The following BAG4 variants were observed in gnomAD, a reference collection of about 807,000 sequenced individuals.
The protein encoded by BAG4 is BAG cochaperone 4, also known as BAG family molecular chaperone regulator 4.
Under a neutral mutation model 52.1 loss-of-function variants are expected in BAG4, and 28 were observed. The ratio of observed to expected loss-of-function variants is 0.54; its 90% CI spans 0.40 to 0.74. The LOEUF (loss-of-function observed/expected upper bound fraction) is 0.74. Among genes scored for constraint, BAG4 ranks in the 30% least tolerant of loss-of-function variants. The pLI is 0.00. For synonymous variants in BAG4, 208 were observed against 217.0 expected (o/e 0.96, Z 0.37); for missense variants, 525 against 572.0 (o/e 0.92, Z 0.84).
chr8:38,177,486 G>T (rs949073924), intron 1 of BAG4, among the ~76,000 whole-genome samples: 20 of 152,232 alleles, frequency 1.3e-4, no homozygotes, highest in African/African-American at 4.6e-4. Context: ...TATCCTGCGT[G>T]GCTGGCAGGC....
chr8:38,191,702 G>A (rs1200491819), intron 1 of BAG4, among the ~76,000 whole-genome samples: 2 of 146,690 alleles, frequency 1.4e-5, no homozygotes, highest in East Asian at 4.3e-4. Flanking sequence ...GGAGGTTGCA[G>A]TGAGCCGAGA....
intron 2 of BAG4, among the ~76,000 whole-genome samples, chr8:38,205,197 A>G (rs550652379): frequency 7.1e-6 from 1 of 140,498 alleles, no homozygotes; most frequent in African/African-American, 2.6e-5. Flanking sequence ...ACGCCCAGCT[A>G]ATTAATTTTT....
intron 1 of BAG4, among the ~76,000 whole-genome samples, chr8:38,186,078 G>T (rs1194832718): frequency 6.6e-6 from 1 of 152,158 alleles, no homozygotes; most frequent in East Asian, 1.9e-4. Flanking sequence ...GAGGAGTAGC[G>T]TACCAACATT....
chr8:38,209,063 T>C lies in BAG4; in HGVS notation c.684T>C (p.Ser228=), dbSNP rs1489485489. The change falls in exon 4 of 5, where the codon AGT becomes AGC. Residue 228 remains serine (S), a synonymous_variant. Transcript: ENST00000287322. ...ATCCTTATGGAGATGGTAATCGTAG[T>C]GTTCCACAATCAGGACCGACTGTAC... ...PHYPYGDGNR[S]VPQSGPTVRP... is the part of the protein sequence containing the mutation. The C allele has an allele frequency of 1.1e-5, 17 of 1,614,202 alleles. No homozygotes were observed. In the East Asian group the frequency reaches 2.9e-4, roughly 28 times the overall value.
At chr8:38,187,866 C>CAAAAAAAAA (rs35690753) in intron 1 of BAG4, among the ~76,000 whole-genome samples, 69 of 54,776 alleles carry the variant, frequency 1.3e-3, no homozygotes, top group African/African-American at 1.5e-3. Flanking sequence ...ACTAAAAATA[C>CAAAAAAAAA]AAAAAAAAAA....
chr8:38,187,312 T>G (rs1228369275), intron 1 of BAG4, among the ~76,000 whole-genome samples: 1 of 152,074 alleles, frequency 6.6e-6, no homozygotes, highest in Non-Finnish European at 1.5e-5. Context: ...GTACAGTAAC[T>G]AAAATGAAAA....
At chr8:38,179,729 C>A (rs930992228) in intron 1 of BAG4, among the ~76,000 whole-genome samples, 3 of 151,764 alleles carry the variant, frequency 2.0e-5, no homozygotes, top group Non-Finnish European at 4.4e-5. Context: ...TCACACCATT[C>A]CACTCTAGCC....
At chr8:38,187,179 A>G (rs1260293502) in intron 1 of BAG4, among the ~76,000 whole-genome samples, 1 of 152,232 alleles carries the variant, frequency 6.6e-6, no homozygotes, top group African/African-American at 2.4e-5. Context: ...CAAATAACTA[A>G]AAAACTATGA....
At position 38,213,049 on chromosome 8, in the gene BAG4, T is replaced by A. The variant is rs1164751254; in HGVS notation, c.*2556T>A. The A allele has an allele frequency of 6.6e-6, 1 of 152,220 alleles. No individual in the cohort carries two copies. Among genetic ancestry groups the A allele is most frequent in the Non-Finnish European group, 1.5e-5 (1 of 68,036 alleles). 9.4% of individuals were successfully genotyped at this position (152,220 alleles called of 1,614,324 possible). On this transcript the variant is annotated 3_prime_UTR_variant, in exon 5 of 5. Transcript: ENST00000287322. ...AGATGTTAAATCATGTTAAAATTAT[T>A]CCAAATACCAATATCAAAGAAAACT...
At chr8:38,197,856 C>A (rs191081873) in intron 2 of BAG4, among the ~76,000 whole-genome samples, 2 of 151,884 alleles carry the variant, frequency 1.3e-5, no homozygotes, top group Non-Finnish European at 2.9e-5. Flanking sequence ...TGTGCCACCA[C>A]ACCTGGCTAA....
rs1803595846 is a variant in BAG4 at position 38,198,176 on chromosome 8, A to C, written c.378+5381A>C. On this transcript the variant is annotated intron_variant, in intron 2 of 4. Transcript: ENST00000287322. ...AAGGCGGGCAGATCACGAGGTCAGG[A>C]AATCGAGACCATCCTGGCTAATATG... Among the ~76,000 whole-genome samples the C allele has an allele frequency of 2.0e-5, 3 of 151,794 alleles. No homozygotes were observed. In the South Asian group the frequency reaches 6.3e-4, roughly 32 times the overall value.
At chr8:38,197,322 A>G (rs1803578237) in intron 2 of BAG4, among the ~76,000 whole-genome samples, 1 of 152,240 alleles carries the variant, frequency 6.6e-6, no homozygotes, top group Non-Finnish European at 1.5e-5. Flanking sequence ...GCTATATGGT[A>G]TAGCCTATGG....
chr8:38,205,662 T>C (rs1378656566), intron 2 of BAG4, among the ~76,000 whole-genome samples: 1 of 152,170 alleles, frequency 6.6e-6, no homozygotes, highest in Non-Finnish European at 1.5e-5. Flanking sequence ...AGTTTTAACA[T>C]AGTGGTGGTT....
At chr8:38,177,578 A>G (rs1332531279) in intron 1 of BAG4, among the ~76,000 whole-genome samples, 1 of 152,166 alleles carries the variant, frequency 6.6e-6, no homozygotes, top group Admixed American at 6.5e-5. Flanking sequence ...CTTTGCGAGG[A>G]GGAGGGATCT....
chr8:38,187,838 T>C (rs1195067351), intron 1 of BAG4, among the ~76,000 whole-genome samples: 69 of 135,318 alleles, frequency 5.1e-4, no homozygotes, highest in African/African-American at 1.8e-3. Context: ...CTGGCTAACA[T>C]GGTGAAACCT....
At chr8:38,203,281 A>ATTTTT (rs751296737) in intron 2 of BAG4, among the ~76,000 whole-genome samples, 1 of 123,504 alleles carries the variant, frequency 8.1e-6, no homozygotes, top group African/African-American at 3.0e-5. Context: ...GTCTTGAGGA[A>ATTTTT]TTTTTTTTTT....
chr8:38,176,875 G>C lies in BAG4; in HGVS notation c.6G>C (p.Ser2=), dbSNP rs763152667. 4.0e-5 allele frequency: 61 copies of C among 1,514,740 alleles called. No homozygotes were observed. Among genetic ancestry groups the C allele is most frequent in the Non-Finnish European group, 4.3e-5 (49 of 1,128,972 alleles). The allele number at this position is 1,514,740 out of a possible 1,614,324, so 93.8% of individuals were successfully genotyped here. M[S]ALRRSGYGPS... is the part of the protein sequence containing the mutation. Reference sequence around the variant, plus strand: ...GCTTCAGGGCAGCGGATCCCATGTCGGCCCTGAGGCGCTCGGGCTACGGCC... The same window carrying C: ...GCTTCAGGGCAGCGGATCCCATGTCCGCCCTGAGGCGCTCGGGCTACGGCC... Residue 2 remains serine (S), a synonymous_variant, in exon 1 of 5, where the codon TCG becomes TCC. Coordinates refer to ENST00000287322, the MANE Select transcript of BAG4 (RefSeq NM_004874.4).
At chr8:38,194,298 C>CA (rs1350363299) in intron 2 of BAG4, among the ~76,000 whole-genome samples, 2 of 151,782 alleles carry the variant, frequency 1.3e-5, no homozygotes, top group Non-Finnish European at 2.9e-5. Context: ...TACTAACAAA[C>CA]ACACTCCTGC....
chr8:38,177,458 G>T (rs920553705), intron 1 of BAG4, among the ~76,000 whole-genome samples: 5 of 152,238 alleles, frequency 3.3e-5, no homozygotes, highest in African/African-American at 1.2e-4. Flanking sequence ...CGGATCTACT[G>T]CTCCAGCTCT....
Sources: allele counts gnomAD v4.1 joint callset (sites outside exome capture counted in the v4.1 genomes callset), GRCh38; gene constraint gnomAD v4.1.1; transcripts MANE v1.5; gene names NCBI Gene and HGNC (gene_info 2026-07-23, HGNC 2026-07-21).